The following BNC2 variants were observed in gnomAD, a reference collection of about 807,000 sequenced individuals.
BNC2 encodes basonuclin zinc finger protein 2.
Under a neutral mutation model 76.3 loss-of-function variants are expected in BNC2, and 20 were observed. The observed-to-expected ratio is 0.26, with a 90% CI of 0.18 to 0.38. The LOEUF (loss-of-function observed/expected upper bound fraction) is 0.38, where lower values mean the gene tolerates loss of function less well. Ranked by LOEUF, BNC2 falls within the 10% of genes least tolerant of loss-of-function variation. The probability of loss-of-function intolerance (pLI) is 1.00; values close to 1 mark genes in which losing one functional copy is unlikely to be tolerated. For missense variants in BNC2, 1,382 were observed against 1,399.8 expected (o/e 0.99, Z 0.20); for synonymous variants, 582 against 514.8 (o/e 1.13, Z -1.77).
At chr9:16,428,918 A>G (rs1820852639) in intron 6 of BNC2, among the ~76,000 whole-genome samples, 1 of 152,238 alleles carries the variant, frequency 6.6e-6, no homozygotes, top group Non-Finnish European at 1.5e-5. Context: ...TTTATGTGAA[A>G]TAACTGAAGA....
chr9:16,505,075 T>C (rs1271054546), intron 5 of BNC2, among the ~76,000 whole-genome samples: 1 of 152,254 alleles, frequency 6.6e-6, no homozygotes, highest in Non-Finnish European at 1.5e-5. Context: ...TTTCTGAGCC[T>C]TGTTTCCCTC....
At chr9:16,440,556 T>C (rs780281096) in intron 5 of BNC2, among the ~76,000 whole-genome samples, 3 of 151,698 alleles carry the variant, frequency 2.0e-5, no homozygotes, top group Non-Finnish European at 4.4e-5. Context: ...GTCAGTGATA[T>C]ACTTATACAA....
chr9:16,744,415 T>G (rs746625282), intron 1 of BNC2, among the ~76,000 whole-genome samples: 3 of 152,168 alleles, frequency 2.0e-5, no homozygotes, highest in Non-Finnish European at 1.5e-5. Context: ...AATGTAAAAA[T>G]ATAGGAGAAG....
intron 2 of BNC2, among the ~76,000 whole-genome samples, chr9:16,737,418 T>C (rs904059776): frequency 6.6e-6 from 1 of 151,580 alleles, no homozygotes; most frequent in Admixed American, 6.6e-5. Flanking sequence ...GCCCGGCTAA[T>C]TTTTTGTATT....
At chr9:16,620,700 T>C (rs187923025) in intron 3 of BNC2, among the ~76,000 whole-genome samples, 1 of 152,334 alleles carries the variant, frequency 6.6e-6, no homozygotes, top group Non-Finnish European at 1.5e-5. Flanking sequence ...CAGTGTTAAG[T>C]GCAGAAAACA....
rs1820565058 is a variant in BNC2 at position 16,415,416 on chromosome 9, T to C, written c.*3573A>G. Reference sequence around the variant, plus strand: ...CAGTCATACCGCCTAATTTTGTACCTGTGATAAACTCTGGCTAAAACCAAT... The same window carrying C: ...CAGTCATACCGCCTAATTTTGTACCCGTGATAAACTCTGGCTAAAACCAAT... On this transcript the variant is annotated 3_prime_UTR_variant, in exon 7 of 7. Transcript: ENST00000380672. 6.5e-6 allele frequency: 1 copy of C among 152,676 alleles called. No homozygotes were observed. The highest frequency in any genetic ancestry group is 1.5e-5 in the Non-Finnish European group (1 of 68,050). 9.5% of individuals were successfully genotyped at this position (152,676 alleles called of 1,614,324 possible).
At chr9:16,756,808 T>G (rs922588231) in intron 1 of BNC2, among the ~76,000 whole-genome samples, 3 of 152,022 alleles carry the variant, frequency 2.0e-5, no homozygotes, top group Non-Finnish European at 1.5e-5. Context: ...GCTAACACAG[T>G]GAAACTCTGT....
chr9:16,796,718 C>T (rs1184677248), intron 1 of BNC2, among the ~76,000 whole-genome samples: 1 of 152,046 alleles, frequency 6.6e-6, no homozygotes, highest in Non-Finnish European at 1.5e-5. Flanking sequence ...AGAATTCCTG[C>T]TGTTTCAAGA....
intron 5 of BNC2, among the ~76,000 whole-genome samples, chr9:16,506,190 T>C (rs1248529785): frequency 1.3e-5 from 2 of 152,160 alleles, no homozygotes; most frequent in Non-Finnish European, 2.9e-5. Context: ...AAAAAAATAC[T>C]GAGTTCCACA....
chr9:16,838,504 T>C (rs1475915230), intron 1 of BNC2, among the ~76,000 whole-genome samples: 1 of 152,138 alleles, frequency 6.6e-6, no homozygotes, highest in Non-Finnish European at 1.5e-5. Context: ...GAGGTTGCAG[T>C]GAGCCAAGAG....
At chr9:16,695,106 T>C (rs1823298619) in intron 3 of BNC2, among the ~76,000 whole-genome samples, 1 of 152,224 alleles carries the variant, frequency 6.6e-6, no homozygotes, top group Non-Finnish European at 1.5e-5. Context: ...ACTTTACCCC[T>C]GAAACCTAGT....
intron 5 of BNC2, among the ~76,000 whole-genome samples, chr9:16,530,146 AGT>A (rs1252571242): frequency 6.6e-6 from 1 of 151,960 alleles, no homozygotes; most frequent in Non-Finnish European, 1.5e-5. Flanking sequence ...TGGCCAAAAA[AGT>A]GAAGTGTTTT....
intron 3 of BNC2, among the ~76,000 whole-genome samples, chr9:16,652,482 T>C (rs564278104): frequency 1.4e-5 from 2 of 147,998 alleles, no homozygotes; most frequent in African/African-American, 2.6e-5. Flanking sequence ...GTTATTTTTA[T>C]CTTCAGTGGT....
At chr9:16,514,782 G>C (rs1226499316) in intron 5 of BNC2, among the ~76,000 whole-genome samples, 1 of 152,054 alleles carries the variant, frequency 6.6e-6, no homozygotes, top group Non-Finnish European at 1.5e-5. Context: ...TGACAGAATT[G>C]AAAAACAAAC....
intron 5 of BNC2, among the ~76,000 whole-genome samples, chr9:16,510,733 A>G (rs887660146): frequency 9.2e-5 from 14 of 152,230 alleles, no homozygotes; most frequent in Non-Finnish European, 2.1e-4. Flanking sequence ...ATTGACCTAC[A>G]AATGTTATCA....
chr9:16,788,652 T>G (rs143425507), intron 1 of BNC2, among the ~76,000 whole-genome samples: 161 of 151,364 alleles, frequency 1.1e-3, no homozygotes, highest in Middle Eastern at 3.5e-3. Context: ...AAATTCTTGG[T>G]GGTGATATGG....
chr9:16,494,186 C>T (rs1207391138), intron 5 of BNC2, among the ~76,000 whole-genome samples: 1 of 151,956 alleles, frequency 6.6e-6, no homozygotes, highest in Non-Finnish European at 1.5e-5. Flanking sequence ...CGGAGTCTTG[C>T]TCTGTCACCA....
chr9:16,456,767 G>C (rs1006188053), intron 5 of BNC2, among the ~76,000 whole-genome samples: 2 of 152,218 alleles, frequency 1.3e-5, no homozygotes, highest in East Asian at 1.9e-4. Flanking sequence ...CTGTCGGTAG[G>C]GTAGGGAAAG....
chr9:16,660,453 T>G (rs1587285487), intron 3 of BNC2, among the ~76,000 whole-genome samples: 1 of 133,628 alleles, frequency 7.5e-6, no homozygotes, highest in Admixed American at 7.2e-5. Context: ...AAAGTCCATC[T>G]CAAAAAAAAA....
Sources: gnomAD v4.1 joint callset for allele counts (sites outside exome capture counted in the v4.1 genomes callset) on GRCh38, gnomAD v4.1.1 for gene constraint, MANE v1.5 for transcripts, NCBI Gene and HGNC (gene_info 2026-07-23, HGNC 2026-07-21) for gene names.